C1orf116: variants seen among roughly 807,000 people sequenced by gnomAD.
C1orf116 encodes chromosome 1 open reading frame 116.
Under a neutral mutation model 14.1 loss-of-function variants are expected in C1orf116, and 12 were observed. The observed-to-expected ratio is 0.85, with a 90% CI of 0.54 to 1.38. C1orf116 has a LOEUF of 1.38. Among genes scored for constraint, C1orf116 ranks in the 40% most tolerant of loss-of-function variants. The pLI is 0.00. For synonymous variants in C1orf116, 296 were observed against 299.0 expected, an observed-to-expected ratio of 0.99 and a Z score of 0.10; for missense variants, 797 against 747.0, an observed-to-expected ratio of 1.07 and a Z score of -0.78.
intron 2 of C1orf116, among the ~76,000 whole-genome samples, chr1:207,026,761 T>A (rs1682091229): frequency 6.6e-6 from 1 of 152,220 alleles, no homozygotes. Context: ...AGATTTACTC[T>A]TTCACACCAG....
Position 207,023,263 on chromosome 1 carries a change from C to T in C1orf116, c.501G>A (p.Glu167=). 1 of 1,613,658 alleles carries T rather than the reference C, an allele frequency of 6.2e-7. No individual in the cohort carries two copies. The change falls in exon 4 of 4, where the codon GAG becomes GAA. Residue 167 remains glutamate, a synonymous_variant. Coordinates refer to ENST00000359470, the MANE Select transcript of C1orf116 (RefSeq NM_023938.6). ...TCTGGCTGACCTGTTCTTTCTCAGG[C>T]TCTGGCGCAAGCCTCCCCGGTTCTC... ...NPGEPGRLAP[E]PEKEQVSQSS...
At chr1:207,032,102 A>C (rs553254120) in intron 1 of C1orf116, among the ~76,000 whole-genome samples, 2 of 152,248 alleles carry the variant, frequency 1.3e-5, no homozygotes, top group East Asian at 3.9e-4. Flanking sequence ...GATCAAACAC[A>C]CACACACATT....
Position 207,022,581 on chromosome 1 carries a change from C to T in C1orf116, c.1183G>A (p.Ala395Thr). Reference sequence around the variant, plus strand: ...ATAGCTGCTGAGGCCTGGGCTGGAGCTGCAGGCTGAGCCAGACCTGGAGCT... The same window carrying T: ...ATAGCTGCTGAGGCCTGGGCTGGAGTTGCAGGCTGAGCCAGACCTGGAGCT... ...SPAPGLAQPA[A>T]PAQASAAIPA... Residue 395 changes from alanine (A) to threonine (T), a missense_variant, in exon 4 of 4, where the codon GCT becomes ACT. By Grantham distance (58) the Ala-to-Thr change is moderately conservative. Coordinates refer to ENST00000359470, the MANE Select transcript of C1orf116 (RefSeq NM_023938.6). 6.2e-7 allele frequency: 1 copy of T among 1,614,132 alleles called. No homozygotes were observed. Among genetic ancestry groups the T allele is most frequent in the Non-Finnish European group, 8.5e-7 (1 of 1,179,990 alleles).
Position 207,022,237 on chromosome 1 carries a change from C to A in C1orf116, c.1527G>T (p.Leu509=). 1.2e-6 allele frequency: 2 copies of A among 1,613,982 alleles called. No homozygotes were observed. The highest frequency in any genetic ancestry group is 1.7e-6 in the Non-Finnish European group (2 of 1,179,982). Residue 509 remains leucine (L), a synonymous_variant, in exon 4 of 4, where the codon CTG becomes CTT. Coordinates refer to ENST00000359470, the MANE Select transcript of C1orf116 (RefSeq NM_023938.6). ...TCTTGTCCAAGAAGGAGCCCTTTCC[C>A]AGAGAAGTGCTGGTTTTGGGGCTGG... ...KDASPKTSTS[L]GKGSFLDKIS... is the part of the protein sequence containing the mutation.
chr1:207,023,022 A>G lies in C1orf116; in HGVS notation c.742T>C (p.Ser248Pro). The G allele has an allele frequency of 5.0e-6, 8 of 1,613,616 alleles. No homozygotes were observed. Among genetic ancestry groups the G allele is most frequent in the Non-Finnish European group, 6.8e-6 (8 of 1,179,972 alleles). ...EREQTPSEAM[S>P]QKAKETVSTR... ...GAGACTGTTTCCTTGGCTTTTTGGG[A>G]CATGGCTTCTGAAGGAGTCTGCTCT... Residue 248 changes from serine to proline, a missense_variant, in exon 4 of 4, where the codon TCC (serine) becomes CCC (proline). By Grantham distance (74) the Ser-to-Pro change is moderately conservative (BLOSUM62 -1). Coordinates refer to ENST00000359470, the MANE Select transcript of C1orf116 (RefSeq NM_023938.6).
At chr1:207,031,245 T>C (rs997589417) in intron 1 of C1orf116, among the ~76,000 whole-genome samples, 1 of 152,222 alleles carries the variant, frequency 6.6e-6, no homozygotes, top group Non-Finnish European at 1.5e-5. Flanking sequence ...CATGAACACA[T>C]GGGCAAGTTT....
Position 207,032,735 on chromosome 1 carries a change from G to T in C1orf116, c.-238C>A. The T allele has an allele frequency of 1.0e-6, 1 of 985,288 alleles. No individual in the cohort carries two copies. The highest frequency in any genetic ancestry group is 1.2e-6 in the Non-Finnish European group (1 of 829,962). The allele number at this position is 985,288 out of a possible 1,614,324, so 61.0% of individuals were successfully genotyped here. On this transcript the variant is annotated 5_prime_UTR_variant, in exon 1 of 4. Transcript: ENST00000359470. ...GATAGGTAAATGCTTCATCTGTGCT[G>T]CCTGGCCCCCACCCTGCCACTGACT...
At chr1:207,027,707 A>G (rs2102303654) in intron 1 of C1orf116, 28 bp from the exon 2 acceptor site, 1 of 1,505,190 alleles carries the variant, frequency 6.6e-7, no homozygotes, top group East Asian at 2.4e-5. Context: ...AAAGCCACAC[A>G]TGAGCCGAGG....
intron 3 of C1orf116, among the ~76,000 whole-genome samples, chr1:207,024,118 A>G (rs1681980391): frequency 6.6e-6 from 1 of 152,224 alleles, no homozygotes; most frequent in South Asian, 2.1e-4. Flanking sequence ...CCCACACCAG[A>G]AAGTGACTCC....
chr1:207,022,699 C>T lies in C1orf116; in HGVS notation c.1065G>A (p.Gly355=), dbSNP rs772692630. The T allele has an allele frequency of 6.2e-7, 1 of 1,614,060 alleles. No individual in the cohort carries two copies. Among genetic ancestry groups the T allele is most frequent in the South Asian group, 1.1e-5 (1 of 91,084 alleles). The change falls in exon 4 of 4, where the codon GGG becomes GGA. Residue 355 remains glycine, a synonymous_variant. Coordinates refer to ENST00000359470, the MANE Select transcript of C1orf116 (RefSeq NM_023938.6). ...CAGGCTCATCTTGATCCTGGGGTAG[C>T]CCCAGCTTCTCTAGAGCTTCTTTAC... ...KARKEALEKL[G]LPQDQDEPGL... is the part of the protein sequence containing the mutation.
Position 207,022,026 on chromosome 1 carries a change from A to G in C1orf116, c.1738T>C (p.Ser580Pro). Residue 580 changes from serine to proline, a missense_variant, in exon 4 of 4, where the codon TCC (serine) becomes CCC (proline). Physicochemically the swap from Ser to Pro is moderately conservative, Grantham distance 74 (BLOSUM62 -1). Transcript: ENST00000359470. ...PRPPCVSVKI[S>P]PKGVPNEHRR... The stretch of plus-strand genomic sequence containing the variant: ...TGTTCATTGGGGACACCCTTTGGGG[A>G]GATCTTGACACTGACACAGGGGGGG... 1 of 1,583,870 alleles carries G rather than the reference A, an allele frequency of 6.3e-7. No individual in the cohort carries two copies. The highest frequency in any genetic ancestry group is 8.6e-7 in the Non-Finnish European group (1 of 1,167,362).
rs149974398 is a variant in C1orf116 at position 207,022,092 on chromosome 1, G to T, written c.1672C>A (p.Arg558Ser). The change falls in exon 4 of 4, where the codon CGC (arginine) becomes AGC (serine). Residue 558 changes from arginine (R) to serine (S), a missense_variant. Physicochemically the swap from Arg to Ser is moderately radical, Grantham distance 110 (BLOSUM62 -1). Coordinates refer to ENST00000359470, the MANE Select transcript of C1orf116 (RefSeq NM_023938.6). ...CGGCTCTGTCCTTGGTAGGACAGGC[G>T]CTTGGAGCTCTGCTCCTGCTCCAGG... is the stretch of plus-strand genomic sequence containing the variant. ...ADLEQEQSSK[R>S]LSYQGQSRDK... is the part of the protein sequence containing the mutation. The T allele has an allele frequency of 1.9e-6, 3 of 1,612,518 alleles. No individual in the cohort carries two copies. The highest frequency in any genetic ancestry group is 1.7e-5 in the Admixed American group (1 of 59,898).
rs1681948376 is a variant in C1orf116, at chr1:207,023,224, C to A, written c.540G>T (p.Arg180Ser). The A allele has an allele frequency of 6.2e-7, 1 of 1,610,390 alleles. No individual in the cohort carries two copies. Among genetic ancestry groups the A allele is most frequent in the South Asian group, 1.1e-5 (1 of 90,512 alleles). Residue 180 changes from arginine (R) to serine (S), a missense_variant, in exon 4 of 4, where the codon AGG (arginine) becomes AGT (serine). Physicochemically the swap from Arg to Ser is moderately radical, Grantham distance 110 (BLOSUM62 -1). Transcript: ENST00000359470. The part of the protein sequence containing the change: ...KEQVSQSSQP[R>S]QAPASPQEAA... ...CCTCCTGGGGGCTGGCAGGTGCCTG[C>A]CTGGGTTGGCTGCTCTGGCTGACCT...
At chr1:207,024,451 C>T (rs1458615188) in intron 3 of C1orf116, among the ~76,000 whole-genome samples, 1 of 152,206 alleles carries the variant, frequency 6.6e-6, no homozygotes, top group Non-Finnish European at 1.5e-5. Context: ...CCTTGAGGTA[C>T]TTCCCACTGC....
chr1:207,023,512 G>C, intron 3 of C1orf116, 32 bp from the exon 4 acceptor site: 1 of 1,557,420 alleles, frequency 6.4e-7, no homozygotes, highest in East Asian at 2.3e-5. Flanking sequence ...TAAAAGAGTG[G>C]ACAGAAAAAG....
intron 3 of C1orf116, among the ~76,000 whole-genome samples, chr1:207,024,668 T>C (rs796134236): frequency 1.5e-4 from 23 of 152,346 alleles, no homozygotes; most frequent in African/African-American, 3.4e-4. Context: ...AGAGCTCTGA[T>C]ACTTCATAGA....
Position 207,020,835 on chromosome 1 carries a change from GGC to G in C1orf116, c.*1121_*1122del, listed in dbSNP as rs1681823396. 6.6e-6 allele frequency: 1 copy of G among 152,106 alleles called. No individual in the cohort carries two copies. Among genetic ancestry groups the G allele is most frequent in the Admixed American group, 6.5e-5 (1 of 15,276 alleles). 9.4% of individuals were successfully genotyped at this position (152,106 alleles called of 1,614,324 possible). On this transcript the variant is annotated 3_prime_UTR_variant, in exon 4 of 4. Transcript: ENST00000359470. ...ACAAGAGCACTGGCTAAGGAGAGGT[GGC>G]AGCATGCAACAAGGGTAAGAACCTC...
chr1:207,032,524 G>A, intron 1 of C1orf116, 55 bp downstream of exon 1: 2 of 976,190 alleles, frequency 2.0e-6, no homozygotes, highest in Non-Finnish European at 2.4e-6. Flanking sequence ...GATTTCCCAT[G>A]AAACCCCTTC....
Position 207,023,143 on chromosome 1 carries a change from G to T in C1orf116, c.621C>A (p.Thr207=), listed in dbSNP as rs752709079. ...LIPPPEAFRD[T]QPEQCREASL... is the part of the protein sequence containing the mutation. ...TGGCTTCCCTACACTGCTCTGGCTG[G>T]GTGTCCCGGAAAGCTTCTGGCGGAG... The change falls in exon 4 of 4, where the codon ACC becomes ACA. Residue 207 remains threonine (T), a synonymous_variant. Transcript: ENST00000359470. 3.7e-5 allele frequency: 60 copies of T among 1,611,966 alleles called. No individual in the cohort carries two copies. The highest frequency in any genetic ancestry group is 5.1e-5 in the Non-Finnish European group (60 of 1,179,176).
Sources: gnomAD v4.1 joint callset for allele counts (sites outside exome capture counted in the v4.1 genomes callset) on GRCh38, gnomAD v4.1.1 for gene constraint, MANE v1.5 for transcripts, NCBI Gene and HGNC (gene_info 2026-07-23, HGNC 2026-07-21) for gene names.